Variants in CAMK2B observed in about 807,000 individuals in gnomAD.
The protein encoded by CAMK2B is calcium/calmodulin-dependent protein kinase type II subunit beta.
Under a neutral mutation model 93.7 loss-of-function variants are expected in CAMK2B, and 27 were observed. The observed-to-expected ratio is 0.29, with a 90% CI of 0.21 to 0.40. The LOEUF is 0.40. Among genes scored for constraint, CAMK2B ranks in the 10% least tolerant of loss-of-function variants. The probability of loss-of-function intolerance (pLI) is 1.00; values close to 1 mark genes in which losing one functional copy is unlikely to be tolerated. For synonymous variants in CAMK2B, 374 were observed against 358.8 expected, an observed-to-expected ratio of 1.04 and a Z score of -0.48; for missense variants, 568 against 895.8, an observed-to-expected ratio of 0.63 and a Z score of 4.67.
rs773190468 is a variant in CAMK2B, at chr7:44,220,181, C to T, written c.1882G>A (p.Gly628Arg). The change falls in exon 23 of 24, where the codon GGG (glycine) becomes AGG (arginine). Residue 628 changes from glycine to arginine, a missense_variant. Gly to Arg is a moderately radical substitution (Grantham distance 125). Transcript: ENST00000395749. ...TGGCTGGTGCGGGGCCGGCCCTGCC[C>T]GTCAATGTACTGCGTGAGCCGGATG... ...AYIRLTQYID[G>R]QGRPRTSQSE... 9.3e-6 allele frequency: 15 copies of T among 1,612,726 alleles called. No individual in the cohort carries two copies. Among genetic ancestry groups the T allele is most frequent in the South Asian group, 3.3e-5 (3 of 91,082 alleles).
intron 2 of CAMK2B, among the ~76,000 whole-genome samples, chr7:44,263,528 G>T (rs1475550993): frequency 6.6e-6 from 1 of 152,156 alleles, no homozygotes; most frequent in Non-Finnish European, 1.5e-5. Flanking sequence ...CCTCAGAGAG[G>T]CCTCGCCTGG....
Position 44,242,602 on chromosome 7 carries a change from G to A in CAMK2B, c.654C>T (p.Asp218=). Residue 218 remains aspartate, a synonymous_variant, in exon 9 of 24, where the codon GAC becomes GAT. Transcript: ENST00000395749. The part of the protein sequence containing the change: ...LVGYPPFWDE[D]QHKLYQQIKA... ...TGATCTGCTGGTACAGCTTGTGCTG[G>A]TCCTCGTCCCAGAAGGGTGGGTAGC... 6.2e-7 allele frequency: 1 copy of A among 1,612,518 alleles called. No individual in the cohort carries two copies. Among genetic ancestry groups the A allele is most frequent in the African/African-American group, 1.3e-5 (1 of 75,036 alleles).
chr7:44,251,933 C>T (rs1254379781), intron 5 of CAMK2B, among the ~76,000 whole-genome samples: 1 of 152,188 alleles, frequency 6.6e-6, no homozygotes, highest in African/African-American at 2.4e-5. Context: ...CTCCAGACCT[C>T]GCCAGGCCAG....
chr7:44,258,780 G>T, intron 4 of CAMK2B, 92 bp downstream of exon 4: 1 of 1,158,498 alleles, frequency 8.6e-7, no homozygotes, highest in Non-Finnish European at 1.3e-6. Flanking sequence ...CCACGGGTAG[G>T]GACTATTCCC....
intron 4 of CAMK2B, 52 bp downstream of exon 4, chr7:44,258,820 T>C (rs2096855689): frequency 6.4e-7 from 1 of 1,568,184 alleles, no homozygotes. Context: ...GATCCCACCC[T>C]GAGCCAAGGC....
chr7:44,248,117 G>T lies in CAMK2B; in HGVS notation c.342-925C>A, dbSNP rs1194311464. Among the ~76,000 whole-genome samples the T allele has an allele frequency of 1.3e-5, 2 of 152,156 alleles. No individual in the cohort carries two copies. Among genetic ancestry groups the T allele is most frequent in the Non-Finnish European group, 2.9e-5 (2 of 68,026 alleles). On this transcript the variant is annotated intron_variant, in intron 5 of 23. Coordinates refer to ENST00000395749, the MANE Select transcript of CAMK2B (RefSeq NM_001220.5). This position sits in a 1 kb window ranked among gnomAD's most constrained non-coding sequence, Gnocchi z 4.1. ...TGGCTCAGTTCCAGCAGCACTAGGG[G>T]CATCTAGTTCAGCTCCCAGGGATCT...
intron 1 of CAMK2B, among the ~76,000 whole-genome samples, chr7:44,317,870 C>T (rs995284268): frequency 2.6e-5 from 4 of 152,052 alleles, no homozygotes; most frequent in Non-Finnish European, 5.9e-5. Flanking sequence ...TGGGCTTAGG[C>T]GAGTGTCTGG....
chr7:44,284,247 C>T (rs376146279), intron 1 of CAMK2B, 22 bp from the exon 2 acceptor site: 4 of 1,520,840 alleles, frequency 2.6e-6, no homozygotes, highest in East Asian at 2.3e-5. Context: ...AATGGGGGAG[C>T]GAGAGACAGA....
intron 2 of CAMK2B, among the ~76,000 whole-genome samples, chr7:44,279,450 G>A (rs564674602): frequency 9.2e-5 from 14 of 152,358 alleles, no homozygotes; most frequent in African/African-American, 3.1e-4. Flanking sequence ...AGCCACACAC[G>A]GCTGGGTATC....
At chr7:44,242,846 A>C (rs1239454499) in intron 8 of CAMK2B, among the ~76,000 whole-genome samples, 192 bp from the exon 9 acceptor site, 3 of 151,992 alleles carry the variant, frequency 2.0e-5, no homozygotes, top group Non-Finnish European at 4.4e-5. Flanking sequence ...CCTCTGCCCC[A>C]CACCCACACT....
chr7:44,220,410 G>A (rs1196837041), intron 22 of CAMK2B, 116 bp from the exon 23 acceptor site: 10 of 915,794 alleles, frequency 1.1e-5, no homozygotes, highest in East Asian at 5.3e-5. Context: ...GGGGAGGCTC[G>A]GCTCTCCTGG....
At chr7:44,239,495 T>G in intron 13 of CAMK2B, 94 bp downstream of exon 13, 1 of 1,233,318 alleles carries the variant, frequency 8.1e-7, no homozygotes, top group South Asian at 1.3e-5. Context: ...GGGGCGGCTC[T>G]GGAGCCCGGC....
At chr7:44,222,006 C>T (rs1451155844) in intron 20 of CAMK2B, among the ~76,000 whole-genome samples, 1 of 152,234 alleles carries the variant, frequency 6.6e-6, no homozygotes, top group Non-Finnish European at 1.5e-5. Flanking sequence ...TCTCCTCAGG[C>T]AGAACTACTG....
rs763666251 is a variant in CAMK2B, at chr7:44,232,830, C to T, written c.1168G>A (p.Gly390Arg). 14 of 1,613,902 alleles carry T rather than the reference C, an allele frequency of 8.7e-6. No individual in the cohort carries two copies. Among genetic ancestry groups the T allele is most frequent in the Admixed American group, 1.7e-5 (1 of 59,996 alleles). ...QTTVIHNPVDGIKESSDSANT... is the reference protein window; with the variant it reads ...QTTVIHNPVDRIKESSDSANT... ...GGAAAGTGGGGCAGTACCTTAATCC[C>T]GTCCACTGGGTTATGGATGACGGTG... Residue 390 changes from glycine (G) to arginine (R), a missense_variant, in exon 16 of 24, where the codon GGG becomes AGG. Physicochemically the swap from Gly to Arg is moderately radical, Grantham distance 125. This residue lies in a region of CAMK2B where 308 missense variants were observed against 292.1 expected (regional missense o/e 1.05). Transcript: ENST00000395749.
chr7:44,285,824 C>T (rs1239198724), intron 1 of CAMK2B, among the ~76,000 whole-genome samples: 4 of 60,556 alleles, frequency 6.6e-5, no homozygotes, highest in Admixed American at 4.9e-4. Context: ...GGGGGAGGCG[C>T]GGCGGAGGGG....
chr7:44,289,688 G>A lies in CAMK2B; in HGVS notation c.66-5463C>T, dbSNP rs951026907. The stretch of plus-strand genomic sequence containing the variant: ...AGGTACCAGCCACAACACAGTATCC[G>A]GCATCCAGAAAGAGCCGGCAGTGTG... On this transcript the variant is annotated intron_variant, in intron 1 of 23. Coordinates refer to ENST00000395749, the MANE Select transcript of CAMK2B (RefSeq NM_001220.5). Among the ~76,000 whole-genome samples the A allele has an allele frequency of 2.0e-5, 3 of 152,200 alleles. No homozygotes were observed. In the South Asian group the frequency reaches 6.2e-4, roughly 31 times the overall value.
intron 1 of CAMK2B, among the ~76,000 whole-genome samples, chr7:44,306,495 A>G (rs1288966396): frequency 6.6e-6 from 1 of 152,156 alleles, no homozygotes; most frequent in East Asian, 1.9e-4. Flanking sequence ...ACAGAGATGA[A>G]GACAGGAGGG....
Position 44,239,707 on chromosome 7 carries a change from G to A in CAMK2B, c.947-44C>T, listed in dbSNP as rs201969784. ...AGACGAGGGGAAGGGAGGGGTGGGC[G>A]GACACAGACGAGGGGTGGGCGAGGT... On this transcript the variant is annotated intron_variant, in intron 12 of 23. Transcript: ENST00000395749. 4.1e-5 allele frequency: 56 copies of A among 1,372,570 alleles called. No homozygotes were observed. The Admixed American group carries it at 8.1e-4, about 20-fold the overall frequency. The allele number at this position is 1,372,570 out of a possible 1,614,324, so 85.0% of individuals were successfully genotyped here.
chr7:44,283,648 T>C (rs917162221), intron 2 of CAMK2B, among the ~76,000 whole-genome samples: 6 of 152,236 alleles, frequency 3.9e-5, no homozygotes, highest in Non-Finnish European at 5.9e-5. Flanking sequence ...AGAAGGCAGA[T>C]GGCCAACCGC....
Sources: allele counts gnomAD v4.1 joint callset (sites outside exome capture counted in the v4.1 genomes callset), GRCh38; gene constraint gnomAD v4.1.1; regional missense constraint gnomAD v4.1.1; non-coding constraint Gnocchi (gnomAD v3.1); transcripts MANE v1.5; gene names NCBI Gene and HGNC (gene_info 2026-07-23, HGNC 2026-07-21).